The following KCNQ1 variants were observed in gnomAD, a reference collection of about 807,000 sequenced individuals.
KCNQ1 encodes the protein potassium voltage-gated channel subfamily KQT member 1.
KCNQ1 carries 49 observed loss-of-function variants against 72.4 expected under a neutral mutation model. The observed-to-expected ratio is 0.68, with a 90% CI of 0.54 to 0.86. KCNQ1 has a LOEUF of 0.86. KCNQ1 is among the 40% of genes least tolerant of loss of function. KCNQ1 has a pLI of 0.00. For missense variants in KCNQ1, 790 were observed against 945.1 expected, an observed-to-expected ratio of 0.84 and a Z score of 2.15; for synonymous variants, 450 against 412.6, an observed-to-expected ratio of 1.09 and a Z score of -1.10.
intron 2 of KCNQ1, among the ~76,000 whole-genome samples, chr11:2,553,478 G>A (rs10430833): frequency 0.15 from 22,320 of 151,866 alleles, 1,701 homozygotes; most frequent in East Asian, 0.24. Context: ...CGTCAAGAAT[G>A]GCTGTTGGAT....
chr11:2,644,885 TCTGG>T (rs1849643214), intron 10 of KCNQ1: 1 of 398,704 alleles, frequency 2.5e-6, no homozygotes, highest in African/African-American at 2.1e-5. Flanking sequence ...TGTGGTAAAG[TCTGG>T]CTGGGGATAG....
At chr11:2,741,007 C>T (rs988529237) in intron 11 of KCNQ1, among the ~76,000 whole-genome samples, 1 of 152,184 alleles carries the variant, frequency 6.6e-6, no homozygotes, top group Non-Finnish European at 1.5e-5. Context: ...AATTGAGTGA[C>T]GCATGCGTGA....
At chr11:2,727,314 T>C (rs1447824386) in intron 11 of KCNQ1, among the ~76,000 whole-genome samples, 1 of 152,160 alleles carries the variant, frequency 6.6e-6, no homozygotes, top group African/African-American at 2.4e-5. Flanking sequence ...TCAAGCCCTC[T>C]CTGAGGTTCT....
chr11:2,786,949 G>GTT (rs5789272), intron 15 of KCNQ1, among the ~76,000 whole-genome samples: 37,836 of 119,888 alleles, frequency 0.32, 5,710 homozygotes, highest in Middle Eastern at 0.4. Context: ...TTTCGTTTCT[G>GTT]TTTTTTTTTT....
Position 2,623,824 on chromosome 11 carries a change from T to C in KCNQ1, c.1393+34970T>C. On this transcript the variant is annotated intron_variant, in intron 10 of 15. Coordinates refer to ENST00000155840, the MANE Select transcript of KCNQ1 (RefSeq NM_000218.3). The surrounding 1 kb of genome is among the most constrained non-coding windows in gnomAD (Gnocchi z 5.2). The stretch of plus-strand genomic sequence containing the variant: ...CTGAACTGCATGGTAAGAATATGTT[T>C]AATTTTATAAGAAACCACTGATTTC... The C allele has an allele frequency of 2.5e-6, 1 of 398,586 alleles. No individual in the cohort carries two copies. Among genetic ancestry groups the C allele is most frequent in the Non-Finnish European group, 4.4e-6 (1 of 226,042 alleles). The allele number at this position is 398,586 out of a possible 1,614,324, so 24.7% of individuals were successfully genotyped here.
chr11:2,668,106 C>G lies in KCNQ1; in HGVS notation c.1514+6025C>G. ...ACACCTTTGTGTCCAATGTCCCTCA[C>G]TCAATTTGATGTCTGGCAGCCTCTC... On this transcript the variant is annotated intron_variant, in intron 11 of 15. Coordinates refer to ENST00000155840, the MANE Select transcript of KCNQ1 (RefSeq NM_000218.3). The surrounding 1 kb of genome is among the most constrained non-coding windows in gnomAD (Gnocchi z 4.3). 1 of 398,634 alleles carries G rather than the reference C, an allele frequency of 2.5e-6. No individual in the cohort carries two copies. The highest frequency in any genetic ancestry group is 3.6e-5 in the East Asian group (1 of 28,082). The allele number at this position is 398,634 out of a possible 1,614,324, so 24.7% of individuals were successfully genotyped here. A position where few individuals can be genotyped will look rare whatever the true frequency, so the allele number is the denominator to read the frequency against.
rs1850239980 is a variant in KCNQ1 at position 2,674,019 on chromosome 11, C to G, written c.1514+11938C>G. 3 of 398,460 alleles carry G rather than the reference C, an allele frequency of 7.5e-6. No individual in the cohort carries two copies. The highest frequency in any genetic ancestry group is 8.8e-6 in the Non-Finnish European group (2 of 226,086). The allele number at this position is 398,460 out of a possible 1,614,324, so 24.7% of individuals were successfully genotyped here. On this transcript the variant is annotated intron_variant, in intron 11 of 15. Transcript: ENST00000155840. This position sits in a 1 kb window ranked among gnomAD's most constrained non-coding sequence, Gnocchi z 5.9. ...GGAGGGCCCTCCGTGCTTTCTGGCT[C>G]TTTGGGCCTGGGGTGCAGCCCCTCA...
rs1850243160 is a variant in KCNQ1, at chr11:2,674,140, T to C, written c.1514+12059T>C. ...GCTGGTTTGCCGGGGCCACCCAGTGTGGGCTCAGGAAGGGAAGGAATGTGA... is the reference window on the plus strand; with the variant it reads ...GCTGGTTTGCCGGGGCCACCCAGTGCGGGCTCAGGAAGGGAAGGAATGTGA... On this transcript the variant is annotated intron_variant, in intron 11 of 15. Coordinates refer to ENST00000155840, the MANE Select transcript of KCNQ1 (RefSeq NM_000218.3). The surrounding 1 kb of genome is among the most constrained non-coding windows in gnomAD (Gnocchi z 5.9). 2 of 398,434 alleles carry C rather than the reference T, an allele frequency of 5.0e-6. No individual in the cohort carries two copies. Among genetic ancestry groups the C allele is most frequent in the Non-Finnish European group, 8.8e-6 (2 of 226,136 alleles). The allele number at this position is 398,434 out of a possible 1,614,324, so 24.7% of individuals were successfully genotyped here.
intron 11 of KCNQ1, among the ~76,000 whole-genome samples, chr11:2,714,532 C>T (rs1851056783): frequency 1.3e-5 from 2 of 152,032 alleles, no homozygotes; most frequent in African/African-American, 4.8e-5. Context: ...GCCATAGGTG[C>T]TCTAGATAGA....
chr11:2,587,780 C>T (rs1466839953), intron 9 of KCNQ1, 88 bp downstream of exon 9: 1 of 1,576,404 alleles, frequency 6.3e-7, no homozygotes, highest in African/African-American at 1.3e-5. Flanking sequence ...TGGGATCTCA[C>T]CATGCATTTG....
rs550416776 is a variant in KCNQ1, at chr11:2,811,082, G to A, written c.1794+33045G>A. Among the ~76,000 whole-genome samples, 32 of 152,310 alleles carry A rather than the reference G, an allele frequency of 2.1e-4. No homozygotes were observed. In the South Asian group the frequency reaches 2.3e-3, roughly 11 times the overall value. The stretch of plus-strand genomic sequence containing the variant: ...CACCCTTACAGCCCCGGCGAGACCC[G>A]GGTGGGCGTGGACCCTAGCGTCCCT... On this transcript the variant is annotated intron_variant, in intron 15 of 15. Coordinates refer to ENST00000155840, the MANE Select transcript of KCNQ1 (RefSeq NM_000218.3).
At position 2,691,736 on chromosome 11, in the gene KCNQ1, G is replaced by A; in HGVS notation, c.1514+29655G>A. The A allele has an allele frequency of 2.5e-6, 1 of 398,658 alleles. No homozygotes were observed. The highest frequency in any genetic ancestry group is 4.4e-5 in the Admixed American group (1 of 22,742). 24.7% of individuals were successfully genotyped at this position (398,658 alleles called of 1,614,324 possible). On this transcript the variant is annotated intron_variant, in intron 11 of 15. Coordinates refer to ENST00000155840, the MANE Select transcript of KCNQ1 (RefSeq NM_000218.3). The surrounding 1 kb of genome is among the most constrained non-coding windows in gnomAD (Gnocchi z 6.4). ...GAGGCAGCCCACAGGGAGCCACACA[G>A]GCAGGGGACATTCCACTAGGGCCAT...
intron 10 of KCNQ1, among the ~76,000 whole-genome samples, chr11:2,589,964 C>T (rs1284893702): frequency 6.6e-6 from 1 of 152,168 alleles, no homozygotes; most frequent in African/African-American, 2.4e-5. Flanking sequence ...CCACGGATGC[C>T]ACGGATGCCC....
intron 10 of KCNQ1, chr11:2,641,971 T>A: frequency 2.5e-6 from 1 of 398,488 alleles, no homozygotes; most frequent in Non-Finnish European, 4.4e-6. Context: ...CAGGTTCTAC[T>A]CTGTTCCATT....
chr11:2,644,965 T>TG lies in KCNQ1; in HGVS notation c.1394-16993dup, dbSNP rs560831944. 114 of 398,630 alleles carry TG rather than the reference T, an allele frequency of 2.9e-4. No homozygotes were observed. Among genetic ancestry groups the TG allele is most frequent in the African/African-American group, 2.0e-3 (96 of 48,740 alleles). 24.7% of individuals were successfully genotyped at this position (398,630 alleles called of 1,614,324 possible). ...GTGGCTGGCCCCGAATGCTTATCCT[T>TG]GGGCCCAATGGTAGTGTATGCTGGT... On this transcript the variant is annotated intron_variant, in intron 10 of 15. Transcript: ENST00000155840.
In KCNQ1 at chr11:2,698,265, C is replaced by A; in HGVS notation, c.1514+36184C>A. ...GAAAGTTTTTATACTTTGTGATAAT[C>A]TAAGACAGAACTATTCTACCTGGAT... On this transcript the variant is annotated intron_variant, in intron 11 of 15. Coordinates refer to ENST00000155840, the MANE Select transcript of KCNQ1 (RefSeq NM_000218.3). This position sits in a 1 kb window ranked among gnomAD's most constrained non-coding sequence, Gnocchi z 5.1. 1 of 398,636 alleles carries A rather than the reference C, an allele frequency of 2.5e-6. No individual in the cohort carries two copies. Among genetic ancestry groups the A allele is most frequent in the Non-Finnish European group, 4.4e-6 (1 of 226,062 alleles). 24.7% of individuals were successfully genotyped at this position (398,636 alleles called of 1,614,324 possible). A position where few individuals can be genotyped will look rare whatever the true frequency, so the allele number is the denominator to read the frequency against.
Position 2,462,047 on chromosome 11 carries a change from G to C in KCNQ1, c.386+16563G>C. ...CATTGCTGCTCCTTCCGCCATCCCA[G>C]CAGCTGTCCAGAGATGAGACCCAGC... is the stretch of plus-strand genomic sequence containing the variant. On this transcript the variant is annotated intron_variant, in intron 1 of 15. Coordinates refer to ENST00000155840, the MANE Select transcript of KCNQ1 (RefSeq NM_000218.3). The surrounding 1 kb of genome is among the most constrained non-coding windows in gnomAD (Gnocchi z 8.2). 1 of 331,862 alleles carries C rather than the reference G, an allele frequency of 3.0e-6. No individual in the cohort carries two copies. The highest frequency in any genetic ancestry group is 7.7e-5 in the East Asian group (1 of 12,952). The allele number at this position is 331,862 out of a possible 1,614,324, so 20.6% of individuals were successfully genotyped here.
intron 1 of KCNQ1, among the ~76,000 whole-genome samples, chr11:2,485,036 G>A (rs1480216198): frequency 6.6e-6 from 1 of 152,108 alleles, no homozygotes; most frequent in Non-Finnish European, 1.5e-5. Context: ...TGGCGCCTGT[G>A]CATGGCGTCT....
At chr11:2,800,278 C>T (rs1053887685) in intron 15 of KCNQ1, among the ~76,000 whole-genome samples, 4 of 152,240 alleles carry the variant, frequency 2.6e-5, no homozygotes, top group Admixed American at 6.5e-5. Flanking sequence ...AGGCCTCCCC[C>T]AGCAGGGTAA....
Sources: gnomAD v4.1 joint callset for allele counts (sites outside exome capture counted in the v4.1 genomes callset) on GRCh38, gnomAD v4.1.1 for gene constraint, Gnocchi (gnomAD v3.1) non-coding constraint, MANE v1.5 for transcripts, NCBI Gene and HGNC (gene_info 2026-07-23, HGNC 2026-07-21) for gene names.